The following KALRN variants were observed in gnomAD, a reference collection of about 807,000 sequenced individuals.
KALRN encodes the protein kalirin RhoGEF kinase, also known as kalirin.
KALRN carries 70 observed loss-of-function variants against 353.7 expected under a neutral mutation model. The observed-to-expected ratio is 0.20, with a 90% CI of 0.16 to 0.24. The LOEUF (loss-of-function observed/expected upper bound fraction) is 0.24. Among genes scored for constraint, KALRN ranks in the 10% least tolerant of loss-of-function variants. The pLI, the probability that KALRN is intolerant of heterozygous loss-of-function variation, is 1.00. For missense variants in KALRN, 2,791 were observed against 3,756.7 expected, an observed-to-expected ratio of 0.74 and a Z score of 6.72; for synonymous variants, 1,391 against 1,434.8, an observed-to-expected ratio of 0.97 and a Z score of 0.69.
intron 1 of KALRN, among the ~76,000 whole-genome samples, chr3:124,168,175 G>T (rs1400811776): frequency 6.6e-6 from 1 of 152,194 alleles, no homozygotes; most frequent in Non-Finnish European, 1.5e-5. Context: ...TTCACCTCAA[G>T]AATTACAGTG....
intron 5 of KALRN, among the ~76,000 whole-genome samples, chr3:124,281,781 G>A (rs1472980657): frequency 1.3e-5 from 2 of 152,248 alleles, no homozygotes; most frequent in East Asian, 3.9e-4. Flanking sequence ...TGGAGGTTAG[G>A]ACCAGTGTCT....
At chr3:124,439,198 T>TCACACACACACACACACACACACACA (rs1220555173) in intron 18 of KALRN, among the ~76,000 whole-genome samples, 161 bp downstream of exon 18, 1 of 125,454 alleles carries the variant, frequency 8.0e-6, no homozygotes, top group African/African-American at 3.3e-5. Flanking sequence ...TCTCTCTCTC[T>TCACACACACACACACACACACACACA]CTCACACACA....
intron 12 of KALRN, among the ~76,000 whole-genome samples, chr3:124,397,059 A>T (rs1473055853): frequency 1.3e-5 from 2 of 152,206 alleles, no homozygotes; most frequent in East Asian, 1.9e-4. Context: ...CATCTCTGTG[A>T]TTCCTAGTGA....
chr3:124,546,964 T>G (rs1382292114), intron 33 of KALRN, among the ~76,000 whole-genome samples: 1 of 152,076 alleles, frequency 6.6e-6, no homozygotes, highest in Admixed American at 6.6e-5. Context: ...ACGGATTTGT[T>G]GAATGAATGA....
chr3:124,476,653 T>C (rs896326840), intron 26 of KALRN, among the ~76,000 whole-genome samples: 2 of 152,154 alleles, frequency 1.3e-5, no homozygotes, highest in Admixed American at 6.5e-5. Context: ...GTAAGGTTCT[T>C]GGCTTGAAGC....
At chr3:124,143,759 T>G (rs1212057693) in intron 1 of KALRN, among the ~76,000 whole-genome samples, 1 of 152,194 alleles carries the variant, frequency 6.6e-6, no homozygotes, top group Non-Finnish European at 1.5e-5. Context: ...TTAACAATTT[T>G]GGTGTCCTAA....
chr3:124,148,037 C>A (rs1276446702), intron 1 of KALRN, among the ~76,000 whole-genome samples: 1 of 152,044 alleles, frequency 6.6e-6, no homozygotes, highest in Non-Finnish European at 1.5e-5. Context: ...GAATGCAGAG[C>A]TGGGATTAAT....
rs529058340 is a variant in KALRN, at chr3:124,572,188, G to A, written c.5182+9099G>A. Among the ~76,000 whole-genome samples the A allele has an allele frequency of 8.6e-5, 13 of 151,816 alleles. No homozygotes were observed. In the South Asian group the frequency reaches 2.7e-3, roughly 32 times the overall value. ...AAATACAAAAAATTAGCTGGGCATG[G>A]TGGCATGCACCTGTGGTCCCAGCTG... On this transcript the variant is annotated intron_variant, in intron 34 of 59. Transcript: ENST00000682506.
intron 1 of KALRN, among the ~76,000 whole-genome samples, chr3:124,149,293 C>T (rs2149871782): frequency 6.6e-6 from 1 of 152,316 alleles, no homozygotes; most frequent in African/African-American, 2.4e-5. Flanking sequence ...TCTACCATTG[C>T]TGATGACCTT....
intron 9 of KALRN, among the ~76,000 whole-genome samples, chr3:124,338,102 A>AT (rs2081318839): frequency 6.6e-6 from 1 of 151,854 alleles, no homozygotes. Context: ...GGATTCACTG[A>AT]TTTTTTGAAG....
chr3:124,310,179 GA>G (rs1441707805), intron 6 of KALRN, among the ~76,000 whole-genome samples: 1 of 151,600 alleles, frequency 6.6e-6, no homozygotes, highest in Non-Finnish European at 1.5e-5. Context: ...GCATAAAAAA[GA>G]ATAAGATGCT....
At chr3:124,064,724 G>T (rs2042218822) in intron 1 of KALRN, among the ~76,000 whole-genome samples, 1 of 152,194 alleles carries the variant, frequency 6.6e-6, no homozygotes, top group South Asian at 2.1e-4. Flanking sequence ...CAGCTTTTTG[G>T]TTTGGGGTTG....
intron 56 of KALRN, 111 bp downstream of exon 56, chr3:124,700,144 T>A: frequency 2.1e-6 from 2 of 974,272 alleles, no homozygotes; most frequent in Non-Finnish European, 3.1e-6. Context: ...AAGAGGCACC[T>A]TTTAGAGGAC....
intron 15 of KALRN, among the ~76,000 whole-genome samples, chr3:124,425,990 C>A (rs1037183500): frequency 1.3e-5 from 2 of 152,112 alleles, no homozygotes; most frequent in African/African-American, 2.4e-5. Context: ...AATGACACAC[C>A]GTGGGACTGT....
intron 12 of KALRN, among the ~76,000 whole-genome samples, chr3:124,396,228 G>T (rs936875294): frequency 6.6e-6 from 1 of 151,654 alleles, no homozygotes; most frequent in Admixed American, 6.6e-5. Context: ...TATCCCTAGG[G>T]CCTGAGGGAA....
At chr3:124,412,899 T>G (rs2092279194) in intron 13 of KALRN, among the ~76,000 whole-genome samples, 1 of 152,224 alleles carries the variant, frequency 6.6e-6, no homozygotes, top group African/African-American at 2.4e-5. Context: ...CACCAGCTCT[T>G]TAACTGATTG....
chr3:124,351,112 A>T (rs2149589821), intron 10 of KALRN, among the ~76,000 whole-genome samples: 1 of 152,256 alleles, frequency 6.6e-6, no homozygotes, highest in African/African-American at 2.4e-5. Context: ...AGGTGGTGAA[A>T]AAGGGGTAAA....
intron 33 of KALRN, among the ~76,000 whole-genome samples, chr3:124,543,204 A>G (rs2069232107): frequency 6.6e-6 from 1 of 152,102 alleles, no homozygotes; most frequent in Non-Finnish European, 1.5e-5. Context: ...TATTCTACAC[A>G]TTCGAAGTAG....
chr3:124,577,106 G>C (rs1578106448), intron 34 of KALRN, among the ~76,000 whole-genome samples: 1 of 152,256 alleles, frequency 6.6e-6, no homozygotes, highest in East Asian at 1.9e-4. Flanking sequence ...CACAGAAGAG[G>C]AATGTTGGCC....
Sources: allele counts gnomAD v4.1 joint callset (sites outside exome capture counted in the v4.1 genomes callset), GRCh38; gene constraint gnomAD v4.1.1; transcripts MANE v1.5; gene names NCBI Gene and HGNC (gene_info 2026-07-23, HGNC 2026-07-21).